Variants in MYT1L observed in about 807,000 individuals in gnomAD.
The protein encoded by MYT1L is myelin transcription factor 1 like, also known as myelin transcription factor 1-like protein.
A neutral mutation model predicts 126.7 loss-of-function variants in MYT1L; 12 were observed. That is an observed-to-expected ratio of 0.09 (90% confidence interval 0.06 to 0.15). The LOEUF is 0.15. Among genes scored for constraint, MYT1L ranks in the 10% least tolerant of loss-of-function variants. The pLI is 1.00. For missense variants in MYT1L, 979 were observed against 1,585.2 expected (o/e 0.62, Z 6.49); for synonymous variants, 541 against 604.2 (o/e 0.90, Z 1.53).
intron 2 of MYT1L, among the ~76,000 whole-genome samples, chr2:2,230,950 G>A (rs1462116525): frequency 6.6e-6 from 1 of 152,148 alleles, no homozygotes; most frequent in Non-Finnish European, 1.5e-5. Flanking sequence ...TGAGACGGCT[G>A]TTCAGGCCAC....
chr2:1,986,016 T>A (rs1403419961), intron 5 of MYT1L, among the ~76,000 whole-genome samples: 1 of 152,162 alleles, frequency 6.6e-6, no homozygotes, highest in Admixed American at 6.5e-5. Flanking sequence ...GCCTTTTGAA[T>A]ACAGGAAAAG....
At chr2:2,121,140 T>A (rs761822923) in intron 3 of MYT1L, among the ~76,000 whole-genome samples, 1 of 152,220 alleles carries the variant, frequency 6.6e-6, no homozygotes, top group Non-Finnish European at 1.5e-5. Flanking sequence ...TTAAAAATAA[T>A]TGTGCTTGTA....
chr2:2,225,327 G>A (rs972386432), intron 2 of MYT1L, among the ~76,000 whole-genome samples: 2 of 152,136 alleles, frequency 1.3e-5, no homozygotes, highest in African/African-American at 4.8e-5. Context: ...CCCCTTCAGT[G>A]CCCAGGTCAT....
rs548942016 is a variant in MYT1L at position 2,096,874 on chromosome 2, T to C, written c.-303-42751A>G. On this transcript the variant is annotated intron_variant, in intron 3 of 24. Coordinates refer to ENST00000647738, the MANE Select transcript of MYT1L (RefSeq NM_001303052.2). ...AGAACCTTCTCCTTTTAGAGCCATT[T>C]GCCCCATCTTGCTTTGGGGCCCTGT... 5.9e-5 allele frequency among the ~76,000 whole-genome samples: 9 copies of C among 152,322 alleles called. No individual in the cohort carries two copies. The East Asian group carries it at 1.5e-3, about 26-fold the overall frequency.
chr2:2,050,213 C>T (rs534165987), intron 4 of MYT1L, among the ~76,000 whole-genome samples: 17 of 152,192 alleles, frequency 1.1e-4, no homozygotes, highest in African/African-American at 3.4e-4. Context: ...AACAAGTGAT[C>T]GCTGGCAGTT....
intron 2 of MYT1L, among the ~76,000 whole-genome samples, chr2:2,206,525 A>C (rs2093329951): frequency 6.6e-6 from 1 of 152,174 alleles, no homozygotes; most frequent in Admixed American, 6.5e-5. Context: ...TTGGGGGTAA[A>C]ACTGAGCCTT....
chr2:2,022,443 A>T (rs1558766546), intron 4 of MYT1L, among the ~76,000 whole-genome samples: 1 of 151,874 alleles, frequency 6.6e-6, no homozygotes, highest in Non-Finnish European at 1.5e-5. Context: ...AATTTTAGGT[A>T]TTTTTTTTAA....
intron 21 of MYT1L, among the ~76,000 whole-genome samples, chr2:1,817,974 C>T (rs943966599): frequency 6.6e-5 from 10 of 152,200 alleles, no homozygotes; most frequent in African/African-American, 2.2e-4. Flanking sequence ...CTGCTCCACC[C>T]GCTTGCCCCA....
At position 1,852,450 on chromosome 2, in the gene MYT1L, A is replaced by G. The variant is rs2043396840; in HGVS notation, c.2712-747T>C. Among the ~76,000 whole-genome samples, 1 of 152,144 alleles carries G rather than the reference A, an allele frequency of 6.6e-6. No individual in the cohort carries two copies. Among genetic ancestry groups the G allele is most frequent in the Non-Finnish European group, 1.5e-5 (1 of 68,012 alleles). ...CCGAGGCAACCCCATCCCGTTTCTTAATTAAGGTCTTGCTATTTCTCTAAT... is the reference window on the plus strand; with the variant it reads ...CCGAGGCAACCCCATCCCGTTTCTTGATTAAGGTCTTGCTATTTCTCTAAT... On this transcript the variant is annotated intron_variant, in intron 18 of 24. Transcript: ENST00000647738. This position sits in a 1 kb window ranked among gnomAD's most constrained non-coding sequence, Gnocchi z 4.0.
intron 1 of MYT1L, among the ~76,000 whole-genome samples, chr2:2,300,544 A>T (rs919549189): frequency 4.6e-5 from 7 of 152,214 alleles, no homozygotes; most frequent in African/African-American, 1.7e-4. Context: ...ACATAGTCAC[A>T]TTCTCCCAGC....
chr2:1,798,020 CA>C (rs553005432), intron 23 of MYT1L, among the ~76,000 whole-genome samples: 2 of 58,804 alleles, frequency 3.4e-5, no homozygotes, highest in African/African-American at 1.6e-4. Flanking sequence ...GGTCTCCCCC[CA>C]TCCGGCACAG....
chr2:2,116,473 C>A (rs2080222322), intron 3 of MYT1L, among the ~76,000 whole-genome samples: 3 of 152,140 alleles, frequency 2.0e-5, no homozygotes, highest in South Asian at 4.1e-4. Context: ...AGCAAACAAA[C>A]CTCCTTCCAC....
At chr2:2,138,642 A>T in intron 3 of MYT1L, among the ~76,000 whole-genome samples, 1 of 133,642 alleles carries the variant, frequency 7.5e-6, no homozygotes. Context: ...GGAATTGAAC[A>T]ATGAGAACAC....
intron 2 of MYT1L, among the ~76,000 whole-genome samples, chr2:2,225,544 C>T (rs150788424): frequency 5.6e-4 from 85 of 152,274 alleles, no homozygotes; most frequent in African/African-American, 1.9e-3. Flanking sequence ...ATTGACTCGA[C>T]CTTTACTTTC....
intron 3 of MYT1L, among the ~76,000 whole-genome samples, chr2:2,167,560 C>T (rs1475452523): frequency 2.0e-5 from 3 of 152,206 alleles, no homozygotes; most frequent in Non-Finnish European, 4.4e-5. Context: ...TCACCATCTA[C>T]AGAGCTCAAC....
chr2:2,101,107 T>C (rs1438087225), intron 3 of MYT1L, among the ~76,000 whole-genome samples: 2 of 152,218 alleles, frequency 1.3e-5, no homozygotes, highest in Non-Finnish European at 2.9e-5. Flanking sequence ...TATTGCAATC[T>C]TAAAAAATTC....
At chr2:1,820,879 T>C (rs1244235815) in intron 21 of MYT1L, among the ~76,000 whole-genome samples, 1 of 152,168 alleles carries the variant, frequency 6.6e-6, no homozygotes, top group Admixed American at 6.5e-5. Context: ...TTATTCTCAA[T>C]ACTCTCAGTG....
At chr2:2,272,603 T>C (rs1204279773) in intron 2 of MYT1L, among the ~76,000 whole-genome samples, 9 of 152,192 alleles carry the variant, frequency 5.9e-5, no homozygotes, top group Admixed American at 3.3e-4. Context: ...CCTCGACTCC[T>C]TCAACAATAT....
chr2:1,850,014 T>A (rs1171770300), intron 19 of MYT1L, among the ~76,000 whole-genome samples: 1 of 125,382 alleles, frequency 8.0e-6, no homozygotes, highest in African/African-American at 3.2e-5. Flanking sequence ...ACAACCGTGC[T>A]CTAGGGGGCG....
Sources: gnomAD v4.1 joint callset for allele counts (sites outside exome capture counted in the v4.1 genomes callset) on GRCh38, gnomAD v4.1.1 for gene constraint, Gnocchi (gnomAD v3.1) non-coding constraint, MANE v1.5 for transcripts, NCBI Gene and HGNC (gene_info 2026-07-23, HGNC 2026-07-21) for gene names.